MBD5: variants seen among roughly 807,000 people sequenced by gnomAD.
MBD5 encodes methyl-CpG-binding domain protein 5.
In MBD5, 13 loss-of-function variants were observed where a neutral mutation model predicts 117.3. The observed-to-expected ratio is 0.11, with a 90% confidence interval of 0.07 to 0.18. The LOEUF (loss-of-function observed/expected upper bound fraction) is 0.18. Among genes scored for constraint, MBD5 ranks in the 10% least tolerant of loss-of-function variants. MBD5 has a pLI of 1.00. For synonymous variants in MBD5, 727 were observed against 766.4 expected, an observed-to-expected ratio of 0.95 and a Z score of 0.85; for missense variants, 1,879 against 2,093.8, an observed-to-expected ratio of 0.90 and a Z score of 2.00.
At chr2:148,362,892 G>A (rs1703583485) in intron 4 of MBD5, among the ~76,000 whole-genome samples, 2 of 152,184 alleles carry the variant, frequency 1.3e-5, no homozygotes, top group Admixed American at 1.3e-4. Context: ...CTGCAGCAAA[G>A]GGGCCTGACT....
At chr2:148,210,678 A>T (rs1448844658) in intron 2 of MBD5, among the ~76,000 whole-genome samples, 1 of 152,058 alleles carries the variant, frequency 6.6e-6, no homozygotes, top group African/African-American at 2.4e-5. Flanking sequence ...TTTTACTTAT[A>T]TTGCTTAACC....
intron 3 of MBD5, among the ~76,000 whole-genome samples, chr2:148,278,624 A>T (rs1034086298): frequency 6.6e-6 from 1 of 152,098 alleles, no homozygotes; most frequent in Non-Finnish European, 1.5e-5. Flanking sequence ...ATTTTTTAAA[A>T]TTTATTTGTT....
intron 3 of MBD5, among the ~76,000 whole-genome samples, chr2:148,340,280 G>T (rs1008779057): frequency 3.3e-5 from 5 of 152,010 alleles, no homozygotes; most frequent in African/African-American, 9.7e-5. Context: ...TGACATTTTT[G>T]ATTGCCCTGG....
intron 3 of MBD5, among the ~76,000 whole-genome samples, chr2:148,338,638 G>A (rs772772051): frequency 6.6e-6 from 1 of 152,168 alleles, no homozygotes; most frequent in Non-Finnish European, 1.5e-5. Flanking sequence ...AGGGAAAGCA[G>A]AGATCATCAT....
chr2:148,271,326 G>T (rs1248293353), intron 3 of MBD5, among the ~76,000 whole-genome samples: 1 of 152,126 alleles, frequency 6.6e-6, no homozygotes, highest in African/African-American at 2.4e-5. Flanking sequence ...CATTTGAAGA[G>T]AATTATGTTC....
In MBD5 at chr2:148,490,438, C is replaced by A; in HGVS notation, c.4806C>A (p.Ser1602=). 1 of 1,614,136 alleles carries A rather than the reference C, an allele frequency of 6.2e-7. No homozygotes were observed. The highest frequency in any genetic ancestry group is 1.1e-5 in the South Asian group (1 of 91,074). The change falls in exon 11 of 14, where the codon TCC becomes TCA. Residue 1602 remains serine, a synonymous_variant. Transcript: ENST00000642680. ...SSEDDLRNPD[S]PSSNELIHYR... Reference sequence around the variant, plus strand: ...AAGATGACCTAAGGAACCCAGACTCCCCCTCTTCAAATGAATTGATACATT... The same window carrying A: ...AAGATGACCTAAGGAACCCAGACTCACCCTCTTCAAATGAATTGATACATT...
intron 1 of MBD5, among the ~76,000 whole-genome samples, chr2:148,098,230 G>T (rs866387779): frequency 6.6e-6 from 1 of 152,138 alleles, no homozygotes; most frequent in African/African-American, 2.4e-5. Flanking sequence ...CCTGTATAAG[G>T]AATGGGAATA....
At chr2:148,222,278 ATG>A (rs1348682215) in intron 2 of MBD5, among the ~76,000 whole-genome samples, 1 of 151,892 alleles carries the variant, frequency 6.6e-6, no homozygotes, top group South Asian at 2.1e-4. Context: ...TACAAAATTT[ATG>A]TGTGTGTGTT....
intron 11 of MBD5, chr2:148,490,857 G>C (rs371339332): frequency 1.2e-5 from 6 of 484,866 alleles, no homozygotes; most frequent in African/African-American, 1.2e-4. Context: ...CAGATTTCCA[G>C]AATTTAGTCA....
At chr2:148,056,802 G>C (rs184449046) in intron 1 of MBD5, among the ~76,000 whole-genome samples, 17 of 151,832 alleles carry the variant, frequency 1.1e-4, no homozygotes, top group African/African-American at 3.9e-4. Flanking sequence ...TATAAGATTA[G>C]AATTGTGTTT....
At chr2:148,060,618 AG>A (rs1275407482) in intron 1 of MBD5, among the ~76,000 whole-genome samples, 1 of 152,182 alleles carries the variant, frequency 6.6e-6, no homozygotes, top group Non-Finnish European at 1.5e-5. Flanking sequence ...AAGAATGCCC[AG>A]AATTTTGTTA....
At chr2:148,503,780 A>G (rs1454169027) in intron 12 of MBD5, among the ~76,000 whole-genome samples, 4 of 152,228 alleles carry the variant, frequency 2.6e-5, no homozygotes, top group African/African-American at 9.6e-5. Context: ...TGCTATGCAG[A>G]GCTTAGCAAC....
At chr2:148,092,944 G>A (rs1695980004) in intron 1 of MBD5, among the ~76,000 whole-genome samples, 1 of 151,086 alleles carries the variant, frequency 6.6e-6, no homozygotes, top group African/African-American at 2.4e-5. Context: ...TTTTGACGGA[G>A]TATCGCCCTG....
chr2:148,336,174 G>A (rs146067727), intron 3 of MBD5, among the ~76,000 whole-genome samples: 2 of 152,162 alleles, frequency 1.3e-5, no homozygotes, highest in African/African-American at 4.8e-5. Flanking sequence ...GGCTATGTAA[G>A]TTTAAGTTTT....
At chr2:148,211,922 T>C (rs888619626) in intron 2 of MBD5, among the ~76,000 whole-genome samples, 10 of 151,984 alleles carry the variant, frequency 6.6e-5, no homozygotes, top group African/African-American at 1.2e-4. Flanking sequence ...TTTTTTTCTG[T>C]ATTTTTTGTA....
intron 1 of MBD5, among the ~76,000 whole-genome samples, chr2:148,169,396 C>G (rs1698203639): frequency 6.6e-6 from 1 of 152,044 alleles, no homozygotes; most frequent in African/African-American, 2.4e-5. Context: ...TCAACAAGCC[C>G]AATACATTGA....
At chr2:148,384,766 A>G (rs1704289557) in intron 4 of MBD5, among the ~76,000 whole-genome samples, 1 of 152,130 alleles carries the variant, frequency 6.6e-6, no homozygotes, top group Admixed American at 6.5e-5. Context: ...AAACAGAGAT[A>G]TAGACCAATG....
chr2:148,351,280 A>G (rs1703243920), intron 4 of MBD5, among the ~76,000 whole-genome samples: 1 of 152,044 alleles, frequency 6.6e-6, no homozygotes, highest in South Asian at 2.1e-4. Flanking sequence ...CAAATCCCCC[A>G]GTCCCAGGCA....
chr2:148,337,755 A>G (rs1488885808), intron 3 of MBD5, among the ~76,000 whole-genome samples: 4 of 152,202 alleles, frequency 2.6e-5, no homozygotes, highest in Admixed American at 6.5e-5. Context: ...CAGATCTCCT[A>G]TTCTCAGACA....
Sources: allele counts gnomAD v4.1 joint callset (sites outside exome capture counted in the v4.1 genomes callset), GRCh38; gene constraint gnomAD v4.1.1; transcripts MANE v1.5; gene names NCBI Gene and HGNC (gene_info 2026-07-23, HGNC 2026-07-21).